The following CYFIP1 variants were observed in gnomAD, a reference collection of about 807,000 sequenced individuals.
The protein encoded by CYFIP1 is cytoplasmic FMR1 interacting protein 1.
CYFIP1 carries 58 observed loss-of-function variants against 163.5 expected under a neutral mutation model. The observed-to-expected ratio is 0.35, with a 90% confidence interval of 0.29 to 0.44. CYFIP1 has a LOEUF of 0.44. Ranked by LOEUF, CYFIP1 falls within the 20% of genes least tolerant of loss-of-function variation. CYFIP1 has a pLI of 1.00. For synonymous variants in CYFIP1, 663 were observed against 660.7 expected, an observed-to-expected ratio of 1.00 and a Z score of -0.05; for missense variants, 1,338 against 1,653.8, an observed-to-expected ratio of 0.81 and a Z score of 3.31.
At chr15:22,910,657 T>C in intron 19 of CYFIP1, 29 bp from the exon 20 acceptor site, 1 of 1,609,198 alleles carries the variant, frequency 6.2e-7, no homozygotes, top group South Asian at 1.1e-5. Context: ...AGAAAGTTTT[T>C]CATACGCCAT....
chr15:22,899,340 A>C (rs1406563321), intron 22 of CYFIP1, among the ~76,000 whole-genome samples: 1 of 152,216 alleles, frequency 6.6e-6, no homozygotes, highest in African/African-American at 2.4e-5. Flanking sequence ...GTAGGTAACT[A>C]TATAGAAATA....
intron 23 of CYFIP1, among the ~76,000 whole-genome samples, chr15:22,883,441 G>A (rs1272337427): frequency 2.6e-5 from 4 of 152,156 alleles, no homozygotes; most frequent in Non-Finnish European, 5.9e-5. Flanking sequence ...GTGGGAAGGC[G>A]AGGAAGGTAG....
intron 1 of CYFIP1, among the ~76,000 whole-genome samples, chr15:22,969,602 G>A (rs958861949): frequency 6.6e-6 from 1 of 152,088 alleles, no homozygotes; most frequent in African/African-American, 2.4e-5. Flanking sequence ...TCAGCTCTCT[G>A]GATATAAGAC....
At position 22,903,634 on chromosome 15, in the gene CYFIP1, TGGA is replaced by T; in HGVS notation, c.2588+69_2588+71del. 6.0e-6 allele frequency: 9 copies of T among 1,510,024 alleles called. No homozygotes were observed. The East Asian group carries it at 2.0e-4, about 34-fold the overall frequency. The allele number at this position is 1,510,024 out of a possible 1,614,324, so 93.5% of individuals were successfully genotyped here. A position where few individuals can be genotyped will look rare whatever the true frequency, so the allele number is the denominator to read the frequency against. ...GCAGGGAGACAGGGACCTGGTGACATGGAGGAAGCCTGCGGGGACATGGGTCCC... is the reference window on the plus strand; with the variant it reads ...GCAGGGAGACAGGGACCTGGTGACATGGAAGCCTGCGGGGACATGGGTCCC... On this transcript the variant is annotated intron_variant, in intron 22 of 30. Coordinates refer to ENST00000617928, the MANE Select transcript of CYFIP1 (RefSeq NM_014608.6).
chr15:22,877,433 A>G (rs940536144), intron 26 of CYFIP1, among the ~76,000 whole-genome samples: 3 of 152,202 alleles, frequency 2.0e-5, no homozygotes, highest in African/African-American at 7.2e-5. Context: ...AAATGGACTA[A>G]GATAGCAGAT....
At chr15:22,921,842 A>G (rs2061193702) in intron 13 of CYFIP1, among the ~76,000 whole-genome samples, 1 of 151,982 alleles carries the variant, frequency 6.6e-6, no homozygotes, top group Non-Finnish European at 1.5e-5. Flanking sequence ...GTTTATAGAC[A>G]GATTAAGAGA....
intron 16 of CYFIP1, among the ~76,000 whole-genome samples, chr15:22,916,116 G>A (rs1446013757): frequency 2.0e-5 from 3 of 152,170 alleles, no homozygotes; most frequent in Non-Finnish European, 4.4e-5. Flanking sequence ...CAGGGCACCC[G>A]CCACCTTCCC....
chr15:22,959,910 G>C (rs1272781329), intron 1 of CYFIP1, among the ~76,000 whole-genome samples: 2 of 152,304 alleles, frequency 1.3e-5, no homozygotes, highest in African/African-American at 4.8e-5. Flanking sequence ...TGATGTGCCT[G>C]TTCTTTTCCT....
At chr15:22,906,831 C>T (rs926590261) in intron 21 of CYFIP1, among the ~76,000 whole-genome samples, 5 of 152,122 alleles carry the variant, frequency 3.3e-5, no homozygotes, top group Non-Finnish European at 5.9e-5. Flanking sequence ...TTCCATGGTC[C>T]GTGGGTGTCT....
intron 1 of CYFIP1, among the ~76,000 whole-genome samples, chr15:22,976,221 G>A (rs183792554): frequency 4.0e-5 from 6 of 151,860 alleles, no homozygotes; most frequent in Non-Finnish European, 7.4e-5. Flanking sequence ...GCAGTGGCGC[G>A]ATCTCGGCTC....
At chr15:22,875,129 G>T in intron 27 of CYFIP1, 70 bp downstream of exon 27, 1 of 1,421,354 alleles carries the variant, frequency 7.0e-7, no homozygotes, top group Non-Finnish European at 1.0e-6. Context: ...TTAGCTCTCC[G>T]GTTGCATACA....
At chr15:22,935,767 A>T (rs927469572) in intron 9 of CYFIP1, among the ~76,000 whole-genome samples, 8 of 152,222 alleles carry the variant, frequency 5.3e-5, no homozygotes, top group African/African-American at 1.9e-4. Flanking sequence ...CTAAAAGAGT[A>T]GATCTTAAGT....
intron 1 of CYFIP1, among the ~76,000 whole-genome samples, chr15:22,948,443 C>T (rs979237918): frequency 1.3e-5 from 2 of 152,166 alleles, no homozygotes; most frequent in East Asian, 1.9e-4. Flanking sequence ...AGAACCACAG[C>T]CCAAGTCTCC....
chr15:22,892,529 G>A (rs2060110592), intron 23 of CYFIP1, among the ~76,000 whole-genome samples: 2 of 152,162 alleles, frequency 1.3e-5, no homozygotes, highest in Non-Finnish European at 2.9e-5. Context: ...GAATGCACCT[G>A]AGCCTCTTCC....
At chr15:22,883,574 T>G (rs980788997) in intron 23 of CYFIP1, among the ~76,000 whole-genome samples, 1 of 152,038 alleles carries the variant, frequency 6.6e-6, no homozygotes, top group Non-Finnish European at 1.5e-5. Context: ...TCCCAGCCCT[T>G]TGGGAGGCCG....
At chr15:22,930,612 T>C (rs1314111835) in intron 11 of CYFIP1, among the ~76,000 whole-genome samples, 1 of 151,996 alleles carries the variant, frequency 6.6e-6, no homozygotes, top group African/African-American at 2.4e-5. Context: ...GGCTAATGTG[T>C]GTGTTTGGGT....
At chr15:22,969,590 C>G (rs923426840) in intron 1 of CYFIP1, among the ~76,000 whole-genome samples, 1 of 152,136 alleles carries the variant, frequency 6.6e-6, no homozygotes, top group Admixed American at 6.5e-5. Flanking sequence ...CTGCTGTGGC[C>G]ATCAGCTCTC....
chr15:22,925,793 G>A (rs529641601), intron 13 of CYFIP1, among the ~76,000 whole-genome samples, 189 bp downstream of exon 13: 21 of 152,252 alleles, frequency 1.4e-4, no homozygotes, highest in Admixed American at 1.3e-3. Context: ...GAGCTTCAGT[G>A]CAGACCCAGG....
In CYFIP1 at chr15:22,869,856, T is replaced by G. The variant is rs1261577033; in HGVS notation, c.*172A>C. The stretch of plus-strand genomic sequence containing the variant: ...AGAGTTCCTAATTACCAAAAGCATA[T>G]ACAATTTTAGTCTAGAAAAATAAGT... On this transcript the variant is annotated 3_prime_UTR_variant, in exon 31 of 31. Transcript: ENST00000617928. The G allele has an allele frequency of 1.9e-6, 1 of 520,538 alleles. No homozygotes were observed. The highest frequency in any genetic ancestry group is 3.6e-5 in the East Asian group (1 of 27,840). 32.2% of individuals were successfully genotyped at this position (520,538 alleles called of 1,614,324 possible).
Sources: gnomAD v4.1 joint callset for allele counts (sites outside exome capture counted in the v4.1 genomes callset) on GRCh38, gnomAD v4.1.1 for gene constraint, MANE v1.5 for transcripts, NCBI Gene and HGNC (gene_info 2026-07-23, HGNC 2026-07-21) for gene names.